The following ZNF521 variants were observed in gnomAD, a reference collection of about 807,000 sequenced individuals.
ZNF521 encodes the protein LYST-interacting protein 3.
In ZNF521, 14 loss-of-function variants were observed where a neutral mutation model predicts 105.5. The observed-to-expected ratio is 0.13, with a 90% CI of 0.09 to 0.21. The LOEUF (loss-of-function observed/expected upper bound fraction) is 0.21, where lower values mean the gene tolerates loss of function less well. Ranked by LOEUF, ZNF521 falls within the 10% of genes least tolerant of loss-of-function variation. The probability of loss-of-function intolerance (pLI) is 1.00; values close to 1 mark genes in which losing one functional copy is unlikely to be tolerated. For missense variants in ZNF521, 1,233 were observed against 1,629.7 expected, an observed-to-expected ratio of 0.76 and a Z score of 4.19; for synonymous variants, 635 against 606.0, an observed-to-expected ratio of 1.05 and a Z score of -0.70.
intron 3 of ZNF521, among the ~76,000 whole-genome samples, chr18:25,246,516 T>C (rs1907736965): frequency 6.6e-6 from 1 of 152,196 alleles, no homozygotes; most frequent in Admixed American, 6.5e-5. Context: ...TATTTTATAT[T>C]GTTGTAGGCA....
chr18:25,212,763 T>C (rs915320169), intron 4 of ZNF521, among the ~76,000 whole-genome samples: 6 of 151,176 alleles, frequency 4.0e-5, no homozygotes, highest in Non-Finnish European at 5.9e-5. Flanking sequence ...CATAAATGTC[T>C]TATATATTTT....
chr18:25,178,390 T>TA (rs2035570870), intron 5 of ZNF521, among the ~76,000 whole-genome samples: 1 of 152,220 alleles, frequency 6.6e-6, no homozygotes, highest in Non-Finnish European at 1.5e-5. Context: ...AAGCTCTTGC[T>TA]ATTTAAATCT....
In ZNF521 at chr18:25,162,354, A is replaced by T. The variant is rs539447690; in HGVS notation, c.3658+32806T>A. On this transcript the variant is annotated intron_variant, in intron 5 of 7. Coordinates refer to ENST00000361524, the MANE Select transcript of ZNF521 (RefSeq NM_015461.3). ...TAAAGATAAGAATAATAATTGAAGG[A>T]CATAAAAGCAAGATGATATTTCAAA... Among the ~76,000 whole-genome samples the T allele has an allele frequency of 7.2e-5, 11 of 152,350 alleles. No homozygotes were observed. In the South Asian group the frequency reaches 2.1e-3, roughly 29 times the overall value.
intron 2 of ZNF521, among the ~76,000 whole-genome samples, chr18:25,334,699 G>A (rs766390784): frequency 7.9e-5 from 12 of 152,214 alleles, no homozygotes; most frequent in Non-Finnish European, 1.3e-4. Flanking sequence ...TCTCCAGAAG[G>A]GGAAATATTT....
chr18:25,074,077 TGCGTGTGTGCAC>T (rs1036316698), intron 7 of ZNF521, among the ~76,000 whole-genome samples: 1 of 141,044 alleles, frequency 7.1e-6, no homozygotes, highest in African/African-American at 2.8e-5. Context: ...CGTGTGTGCG[TGCGTGTGTGCAC>T]GCGCACGGGA....
intron 3 of ZNF521, among the ~76,000 whole-genome samples, chr18:25,236,738 G>A (rs1013510847): frequency 2.0e-5 from 3 of 152,006 alleles, no homozygotes; most frequent in Non-Finnish European, 4.4e-5. Context: ...TGGATTCCAA[G>A]TAACCCAAAT....
At chr18:25,245,112 T>A (rs761910228) in intron 3 of ZNF521, among the ~76,000 whole-genome samples, 1 of 152,232 alleles carries the variant, frequency 6.6e-6, no homozygotes, top group Non-Finnish European at 1.5e-5. Context: ...ATTGATCTCA[T>A]TTTTGCAAGG....
intron 5 of ZNF521, among the ~76,000 whole-genome samples, chr18:25,132,906 G>A (rs528190133): frequency 1.3e-5 from 2 of 152,262 alleles, no homozygotes; most frequent in South Asian, 2.1e-4. Context: ...GATGCCAAAC[G>A]GGAGCATAAA....
At chr18:25,303,320 C>T (rs1344787124) in intron 3 of ZNF521, among the ~76,000 whole-genome samples, 8 of 119,782 alleles carry the variant, frequency 6.7e-5, no homozygotes, top group East Asian at 2.5e-4. Context: ...GAGAGAGAGA[C>T]GGAGTCTCGC....
intron 3 of ZNF521, among the ~76,000 whole-genome samples, chr18:25,244,213 C>T (rs1471485839): frequency 6.6e-6 from 1 of 151,960 alleles, no homozygotes; most frequent in East Asian, 1.9e-4. Flanking sequence ...TTTTACTCTG[C>T]CAGTGCAGAA....
intron 4 of ZNF521, among the ~76,000 whole-genome samples, chr18:25,214,135 C>T (rs2036240452): frequency 6.6e-6 from 1 of 152,094 alleles, no homozygotes; most frequent in Non-Finnish European, 1.5e-5. Flanking sequence ...GACACGATCC[C>T]AGAAGTAACT....
At chr18:25,242,704 C>T (rs1907423292) in intron 3 of ZNF521, among the ~76,000 whole-genome samples, 1 of 152,088 alleles carries the variant, frequency 6.6e-6, no homozygotes, top group South Asian at 2.1e-4. Context: ...CATTGTTTAG[C>T]TATCGAATGT....
At chr18:25,118,869 T>C (rs1403811117) in intron 5 of ZNF521, among the ~76,000 whole-genome samples, 2 of 152,170 alleles carry the variant, frequency 1.3e-5, no homozygotes, top group African/African-American at 4.8e-5. Flanking sequence ...TCCAACTATA[T>C]GATGTCTATA....
chr18:25,178,967 T>A (rs2035579717), intron 5 of ZNF521, among the ~76,000 whole-genome samples: 1 of 152,064 alleles, frequency 6.6e-6, no homozygotes, highest in Non-Finnish European at 1.5e-5. Flanking sequence ...CGCCTCAGTT[T>A]CCTTGTCTGT....
chr18:25,074,685 C>CT (rs1295200910), intron 7 of ZNF521, among the ~76,000 whole-genome samples: 1 of 152,150 alleles, frequency 6.6e-6, no homozygotes, highest in Non-Finnish European at 1.5e-5. Context: ...CTTAAAATGG[C>CT]AGAGCTGCCC....
chr18:25,241,091 T>C (rs1907296204), intron 3 of ZNF521, among the ~76,000 whole-genome samples: 1 of 152,060 alleles, frequency 6.6e-6, no homozygotes, highest in Non-Finnish European at 1.5e-5. Flanking sequence ...AAATTCCCAT[T>C]CCTCTTCTCC....
chr18:25,169,151 C>T (rs1388156897), intron 5 of ZNF521, among the ~76,000 whole-genome samples: 1 of 152,134 alleles, frequency 6.6e-6, no homozygotes, highest in Non-Finnish European at 1.5e-5. Context: ...ATTTCAGTAA[C>T]AAAAAGGTCA....
At chr18:25,208,453 A>C (rs2036121006) in intron 4 of ZNF521, among the ~76,000 whole-genome samples, 1 of 152,184 alleles carries the variant, frequency 6.6e-6, no homozygotes, top group Non-Finnish European at 1.5e-5. Context: ...AAACTATCTT[A>C]ATTCTCCAGT....
Position 25,099,750 on chromosome 18 carries a change from A to G in ZNF521, c.3659-7669T>C, listed in dbSNP as rs566430049. Among the ~76,000 whole-genome samples, 35 of 152,270 alleles carry G rather than the reference A, an allele frequency of 2.3e-4. No individual in the cohort carries two copies. The South Asian group carries it at 3.9e-3, about 17-fold the overall frequency. On this transcript the variant is annotated intron_variant, in intron 5 of 7. Transcript: ENST00000361524. ...CTTTGTTTAAAATTTCTCTTGTTTG[A>G]TATCAAATACCTTCTATTAATGCCC... is the stretch of plus-strand genomic sequence containing the variant.
Sources: allele counts gnomAD v4.1 joint callset (sites outside exome capture counted in the v4.1 genomes callset), GRCh38; gene constraint gnomAD v4.1.1; transcripts MANE v1.5; gene names NCBI Gene and HGNC (gene_info 2026-07-23, HGNC 2026-07-21).